The following MGAM2 variants were observed in gnomAD, a reference collection of about 807,000 sequenced individuals.
The protein encoded by MGAM2 is probable maltase-glucoamylase 2.
A neutral mutation model predicts 96.1 loss-of-function variants in MGAM2; 98 were observed. That is an observed-to-expected ratio of 1.02 (90% CI 0.87 to 1.21). The LOEUF (loss-of-function observed/expected upper bound fraction) is 1.21. Ranked by LOEUF, MGAM2 falls within the 50% of genes most tolerant of loss-of-function variation. The probability of loss-of-function intolerance (pLI) is 0.00; values close to 1 mark genes in which losing one functional copy is unlikely to be tolerated. For missense variants in MGAM2, 2,055 were observed against 1,182.4 expected (o/e 1.74, Z -10.82); for synonymous variants, 749 against 414.8 (o/e 1.81, Z -9.79).
intron 15 of MGAM2, among the ~76,000 whole-genome samples, chr7:142,149,149 A>C (rs1278200858): frequency 6.6e-6 from 1 of 151,940 alleles, no homozygotes; most frequent in Admixed American, 6.6e-5. Context: ...GGATCGCTTG[A>C]ACCCGGGAGA....
At chr7:142,210,874 C>A (rs1308448502) in intron 46 of MGAM2, among the ~76,000 whole-genome samples, 1 of 152,206 alleles carries the variant, frequency 6.6e-6, no homozygotes, top group Non-Finnish European at 1.5e-5. Flanking sequence ...GGGTCCCTGA[C>A]CCCCGTGCCT....
intron 3 of MGAM2, among the ~76,000 whole-genome samples, chr7:142,123,772 T>C (rs1395665009): frequency 1.3e-5 from 2 of 152,166 alleles, no homozygotes; most frequent in African/African-American, 4.8e-5. Flanking sequence ...AATTTTAAAA[T>C]AGTTCACTTT....
intron 45 of MGAM2, among the ~76,000 whole-genome samples, chr7:142,200,532 A>G (rs1046821774): frequency 6.6e-6 from 1 of 152,184 alleles, no homozygotes; most frequent in Non-Finnish European, 1.5e-5. Flanking sequence ...GAGATTTGTC[A>G]TTATCATCAG....
chr7:142,187,703 A>G, intron 35 of MGAM2, 47 bp from the exon 36 acceptor site: 1 of 698,816 alleles, frequency 1.4e-6, no homozygotes, highest in Non-Finnish European at 2.6e-6. Flanking sequence ...AGCCAAGGCC[A>G]TCCTGCCCCT....
intron 17 of MGAM2, among the ~76,000 whole-genome samples, chr7:142,156,865 TC>T (rs1420143446): frequency 6.6e-6 from 1 of 152,188 alleles, no homozygotes; most frequent in Non-Finnish European, 1.5e-5. Context: ...TTTCACATCT[TC>T]CAAATTATAT....
At chr7:142,121,715 T>C (rs1440456363) in intron 3 of MGAM2, among the ~76,000 whole-genome samples, 1 of 150,994 alleles carries the variant, frequency 6.6e-6, no homozygotes, top group African/African-American at 2.4e-5. Context: ...ATTTATATTC[T>C]ATTTATTATA....
At chr7:142,120,876 G>A (rs1210194880) in intron 3 of MGAM2, among the ~76,000 whole-genome samples, 1 of 152,166 alleles carries the variant, frequency 6.6e-6, no homozygotes, top group Non-Finnish European at 1.5e-5. Context: ...AGGTCCCAAT[G>A]GATACGTGCT....
rs1343207429 is a variant in MGAM2 at position 142,219,863 on chromosome 7, C to A, written c.5359-7C>A. 1 of 688,714 alleles carries A rather than the reference C, an allele frequency of 1.5e-6. No homozygotes were observed. Among genetic ancestry groups the A allele is most frequent in the South Asian group, 1.5e-5 (1 of 65,414 alleles). 42.7% of individuals were successfully genotyped at this position (688,714 alleles called of 1,614,324 possible). ...AATACCCATTTATATCTCTTCTTTTCTGGCAGATACTAACTATTCAATTGA... is the reference window on the plus strand; with the variant it reads ...AATACCCATTTATATCTCTTCTTTTATGGCAGATACTAACTATTCAATTGA... On this transcript the variant is annotated splice_polypyrimidine_tract_variant and splice_region_variant and intron_variant, in intron 47 of 47. Transcript: ENST00000477922.
intron 15 of MGAM2, among the ~76,000 whole-genome samples, chr7:142,152,721 A>C (rs6464466): frequency 0.61 from 93,165 of 152,106 alleles, 28,896 homozygotes; most frequent in East Asian, 0.9. Flanking sequence ...GAGCTGGCAG[A>C]AACTGTGGCG....
chr7:142,215,284 C>T (rs1219964492), intron 46 of MGAM2, among the ~76,000 whole-genome samples: 1 of 151,966 alleles, frequency 6.6e-6, no homozygotes, highest in African/African-American at 2.4e-5. Context: ...GGGAACTTCA[C>T]ACACCAGGGC....
intron 26 of MGAM2, among the ~76,000 whole-genome samples, chr7:142,169,329 T>C (rs1796123003): frequency 6.6e-6 from 1 of 151,896 alleles, no homozygotes. Context: ...GGCTGAAGCA[T>C]GGGAATCACT....
rs1479263759 is a variant in MGAM2, at chr7:142,130,975, T to C, written c.214T>C (p.Cys72Arg). The C allele has an allele frequency of 4.3e-6, 3 of 702,666 alleles. No homozygotes were observed. In the African/African-American group the frequency reaches 5.2e-5, roughly 12 times the overall value. 43.5% of individuals were successfully genotyped at this position (702,666 alleles called of 1,614,324 possible). A position where few individuals can be genotyped will look rare whatever the true frequency, so the allele number is the denominator to read the frequency against. The change falls in exon 4 of 48, where the codon TGC becomes CGC. Residue 72 changes from cysteine to arginine, a missense_variant. By Grantham distance (180) the Cys-to-Arg change is radical (BLOSUM62 -3). Coordinates refer to ENST00000477922, the MANE Select transcript of MGAM2 (RefSeq NM_001293626.2). ...EDICRWQYKC[C>R]WSPVADANVP... Reference sequence around the variant, plus strand: ...TATCTGCAGATGGCAATATAAGTGCTGCTGGTCGCCTGTGGCAGATGCCAA... The same window carrying C: ...TATCTGCAGATGGCAATATAAGTGCCGCTGGTCGCCTGTGGCAGATGCCAA...
intron 21 of MGAM2, 58 bp downstream of exon 21, chr7:142,160,316 T>C (rs924426388): frequency 5.0e-6 from 3 of 598,128 alleles, no homozygotes; most frequent in South Asian, 4.1e-5. Context: ...GAGCAGGGCA[T>C]TATGAGAAAG....
intron 27 of MGAM2, among the ~76,000 whole-genome samples, chr7:142,170,573 A>G (rs893654355): frequency 1.3e-5 from 2 of 152,204 alleles, no homozygotes; most frequent in African/African-American, 4.8e-5. Flanking sequence ...AAGAAATAAT[A>G]AGAGGCAGGA....
rs183901051 is a variant in MGAM2 at position 142,221,458 on chromosome 7, G to A, written c.6947G>A (p.Ser2316Asn). ...CCTAGCTCTATTACTTCTATTTTGA[G>A]CATGTTTCCAACAAGTAATACATTC... Reference protein sequence around the residue: ...SIPSSITSILSMFPTSNTFTT... With the variant: ...SIPSSITSILNMFPTSNTFTT... The change falls in exon 48 of 48, where the codon AGC (serine) becomes AAC (asparagine). Residue 2316 changes from serine to asparagine, a missense_variant. Ser to Asn is a conservative substitution (Grantham distance 46). Transcript: ENST00000477922. The A allele has an allele frequency of 4.2e-4, 238 of 571,510 alleles. 1 individual carries two copies. In the East Asian group the frequency reaches 5.3e-3, roughly 13 times the overall value. 35.4% of individuals were successfully genotyped at this position (571,510 alleles called of 1,614,324 possible).
chr7:142,149,666 A>G (rs553095948), intron 15 of MGAM2, among the ~76,000 whole-genome samples: 47 of 150,866 alleles, frequency 3.1e-4, no homozygotes, highest in Non-Finnish European at 4.1e-4. Flanking sequence ...TCAGCCTCCC[A>G]AGTAGCTGGG....
intron 2 of MGAM2, among the ~76,000 whole-genome samples, chr7:142,119,171 T>C: frequency 6.6e-6 from 1 of 152,076 alleles, no homozygotes; most frequent in Non-Finnish European, 1.5e-5. Context: ...AGATAATACA[T>C]TGGAATATAA....
intron 39 of MGAM2, 23 bp from the exon 40 acceptor site, chr7:142,196,677 G>C (rs757039898): frequency 2.6e-6 from 2 of 773,036 alleles, no homozygotes; most frequent in Middle Eastern, 2.3e-4. Flanking sequence ...CCCACCTCAT[G>C]CTCTCATTAT....
rs73547325 is a variant in MGAM2 at position 142,172,723 on chromosome 7, T to C, written c.3520T>C (p.Leu1174=). The C allele has an allele frequency of 7.1e-6, 5 of 704,244 alleles. No individual in the cohort carries two copies. The highest frequency in any genetic ancestry group is 1.5e-5 in the South Asian group (1 of 67,600). 43.6% of individuals were successfully genotyped at this position (704,244 alleles called of 1,614,324 possible). Residue 1174 remains leucine (L), a synonymous_variant, in exon 30 of 48, where the codon TTG becomes CTG. Coordinates refer to ENST00000477922, the MANE Select transcript of MGAM2 (RefSeq NM_001293626.2). ...TGGILDFYIV[L]GPTPELVTQQ... ...AGGGATTTTGGACTTCTACATTGTT[T>C]TGGGGCCAACCCCTGAACTTGTAAC...
Sources: allele counts gnomAD v4.1 joint callset (sites outside exome capture counted in the v4.1 genomes callset), GRCh38; gene constraint gnomAD v4.1.1; transcripts MANE v1.5; gene names NCBI Gene and HGNC (gene_info 2026-07-23, HGNC 2026-07-21).